KRABD5: variants seen among roughly 807,000 people sequenced by gnomAD.
KRABD5 encodes KRAB domain containing 5, also known as KRAB domain-containing protein 5.
chr16:31,727,917 A>C, the KRABD5 span, among the ~76,000 whole-genome samples: 24 of 152,156 alleles, frequency 1.6e-4, no homozygotes, highest in African/African-American at 5.6e-4. Context: ...ACCAAAGTGC[A>C]GTGGCATGAT....
the KRABD5 span, chr16:31,753,692 T>A: frequency 5.3e-6 from 7 of 1,327,684 alleles, no homozygotes; most frequent in African/African-American, 3.0e-5. Flanking sequence ...TGATATAATT[T>A]GTGTATTAGA....
the KRABD5 span, chr16:31,713,613 C>T: frequency 7.7e-5 from 68 of 883,852 alleles, no homozygotes; most frequent in Non-Finnish European, 1.1e-4. Flanking sequence ...CCCGCGCGTC[C>T]GGTCCCCTCC....
At chr16:31,747,609 G>A in the KRABD5 span, among the ~76,000 whole-genome samples, 1 of 152,180 alleles carries the variant, frequency 6.6e-6, no homozygotes, top group South Asian at 2.1e-4. Context: ...CCCACCAACA[G>A]TGTAAAAGTG....
At chr16:31,718,493 G>A in the KRABD5 span, among the ~76,000 whole-genome samples, 1 of 152,180 alleles carries the variant, frequency 6.6e-6, no homozygotes, top group Non-Finnish European at 1.5e-5. Flanking sequence ...GCAGTTCTGT[G>A]AGGGCCTTCT....
the KRABD5 span, among the ~76,000 whole-genome samples, chr16:31,726,589 C>T: frequency 5.3e-5 from 8 of 152,082 alleles, no homozygotes; most frequent in Admixed American, 2.0e-4. Context: ...GGCAAAACCC[C>T]GTCTCTACTA....
At chr16:31,755,015 C>T in the KRABD5 span, 1 of 470,654 alleles carries the variant, frequency 2.1e-6, no homozygotes, top group Admixed American at 2.4e-5. Flanking sequence ...TCTTCTTGTG[C>T]ATCAGAGAAT....
chr16:31,759,067 A>C, the KRABD5 span: 9 of 292,760 alleles, frequency 3.1e-5, no homozygotes, highest in African/African-American at 2.0e-4. Context: ...TCCCTGCAGC[A>C]ACCACTAAAA....
At chr16:31,750,714 G>A in the KRABD5 span, among the ~76,000 whole-genome samples, 2 of 150,080 alleles carry the variant, frequency 1.3e-5, no homozygotes, top group Admixed American at 1.3e-4. Context: ...AGTTTGTTGA[G>A]GGGTTTTTTT....
chr16:31,739,227 T>A, the KRABD5 span, among the ~76,000 whole-genome samples: 32 of 152,234 alleles, frequency 2.1e-4, no homozygotes, highest in Non-Finnish European at 2.9e-5. Flanking sequence ...AGCAGTTCTT[T>A]TAGAACAGAT....
chr16:31,759,599 T>C, the KRABD5 span: 23 of 547,482 alleles, frequency 4.2e-5, no homozygotes, highest in Non-Finnish European at 7.4e-5. Flanking sequence ...GGTTGAAGTA[T>C]AGATGAAGCA....
the KRABD5 span, chr16:31,755,272 G>C: frequency 2.0e-6 from 1 of 499,080 alleles, no homozygotes; most frequent in East Asian, 6.0e-5. Flanking sequence ...TTGTCCACCA[G>C]AGAATTCATA....
chr16:31,716,406 G>A, the KRABD5 span, among the ~76,000 whole-genome samples: 2 of 152,060 alleles, frequency 1.3e-5, no homozygotes, highest in Admixed American at 6.5e-5. Flanking sequence ...CCCTGACAGG[G>A]TCTCTCACTG....
the KRABD5 span, among the ~76,000 whole-genome samples, chr16:31,732,112 T>C: frequency 6.6e-6 from 1 of 152,178 alleles, no homozygotes. Flanking sequence ...GATATAGCAA[T>C]TTTTTTGTTT....
chr16:31,743,225 G>T, the KRABD5 span, among the ~76,000 whole-genome samples: 1 of 152,096 alleles, frequency 6.6e-6, no homozygotes, highest in African/African-American at 2.4e-5. Flanking sequence ...GTATTGCCAA[G>T]ATTTTCTTCT....
At chr16:31,729,261 C>T in the KRABD5 span, among the ~76,000 whole-genome samples, 16 of 152,240 alleles carry the variant, frequency 1.1e-4, no homozygotes, top group African/African-American at 3.6e-4. Context: ...CCATTTTGTG[C>T]TGCTATATCA....
the KRABD5 span, among the ~76,000 whole-genome samples, chr16:31,748,855 C>T: frequency 6.6e-6 from 1 of 152,158 alleles, no homozygotes; most frequent in Non-Finnish European, 1.5e-5. Context: ...CCACTCTGAA[C>T]TCCGGGGGGC....
At chr16:31,733,671 T>G in the KRABD5 span, 1 of 455,058 alleles carries the variant, frequency 2.2e-6, no homozygotes, top group South Asian at 1.6e-5. Flanking sequence ...GACTATCTTA[T>G]TTCACCTGAC....
chr16:31,755,340 G>A, the KRABD5 span: 6 of 503,316 alleles, frequency 1.2e-5, no homozygotes, highest in African/African-American at 5.9e-5. Flanking sequence ...TGTAGTTCAC[G>A]CCTTACTCAA....
chr16:31,714,051 C>T, the KRABD5 span, among the ~76,000 whole-genome samples: 1 of 152,184 alleles, frequency 6.6e-6, no homozygotes, highest in Non-Finnish European at 1.5e-5. Context: ...CAATTACAAA[C>T]ATTCATTAAA....
Sources: allele counts gnomAD v4.1 joint callset (sites outside exome capture counted in the v4.1 genomes callset), GRCh38; gene constraint gnomAD v4.1.1; transcripts MANE v1.5; gene names NCBI Gene and HGNC (gene_info 2026-07-23, HGNC 2026-07-21).